PXDNL: variants seen among roughly 807,000 people sequenced by gnomAD.
The protein encoded by PXDNL is probable oxidoreductase PXDNL.
PXDNL carries 145 observed loss-of-function variants against 150.8 expected under a neutral mutation model. The observed-to-expected ratio is 0.96, with a 90% CI of 0.84 to 1.10. The LOEUF is 1.10. PXDNL is among the 50% of genes least tolerant of loss of function. The pLI is 0.00. For synonymous variants in PXDNL, 757 were observed against 725.7 expected (o/e 1.04, Z -0.69); for missense variants, 2,087 against 1,873.9 (o/e 1.11, Z -2.10).
intron 7 of PXDNL, among the ~76,000 whole-genome samples, chr8:51,473,621 A>G (rs1468276555): frequency 6.6e-6 from 1 of 152,090 alleles, no homozygotes; most frequent in Non-Finnish European, 1.5e-5. Context: ...GAGGGATAGC[A>G]TTAGGAGATA....
At chr8:51,393,395 G>C (rs554972557) in intron 17 of PXDNL, among the ~76,000 whole-genome samples, 10 of 152,298 alleles carry the variant, frequency 6.6e-5, no homozygotes, top group South Asian at 4.1e-4. Context: ...AGTACAAAAG[G>C]CTCCACAGTG....
chr8:51,723,112 C>A (rs987092963), intron 1 of PXDNL, among the ~76,000 whole-genome samples: 6 of 151,728 alleles, frequency 4.0e-5, no homozygotes, highest in African/African-American at 1.5e-4. Context: ...GAAAAAGACA[C>A]AAGATAGAGC....
In PXDNL at chr8:51,534,095, G is replaced by T. The variant is rs562298503; in HGVS notation, c.380+22745C>A. On this transcript the variant is annotated intron_variant, in intron 4 of 22. Coordinates refer to ENST00000356297, the MANE Select transcript of PXDNL (RefSeq NM_144651.5). ...AGGAAGTGAGGCGTGTCTCTGCCCG[G>T]CCGCCCATGTCTGAGATGTGGGGAG... is the stretch of plus-strand genomic sequence containing the variant. 1.4e-5 allele frequency among the ~76,000 whole-genome samples: 2 copies of T among 144,310 alleles called. 1 individual carries two copies. The highest frequency in any genetic ancestry group is 5.6e-5 in the African/African-American group (2 of 35,430). 94.7% of individuals were successfully genotyped at this position (144,310 alleles called of 152,430 possible).
chr8:51,631,960 C>G (rs1042869562), intron 2 of PXDNL, among the ~76,000 whole-genome samples: 2 of 152,014 alleles, frequency 1.3e-5, no homozygotes, highest in African/African-American at 4.8e-5. Context: ...ATAAAACATA[C>G]AGAAAACAGG....
chr8:51,561,566 A>G (rs1812721949), intron 3 of PXDNL, among the ~76,000 whole-genome samples: 1 of 151,930 alleles, frequency 6.6e-6, no homozygotes, highest in Non-Finnish European at 1.5e-5. Context: ...ATTCTGACAC[A>G]TGCTACAAAA....
At chr8:51,498,686 G>T (rs1023226057) in intron 5 of PXDNL, among the ~76,000 whole-genome samples, 2 of 152,102 alleles carry the variant, frequency 1.3e-5, no homozygotes, top group African/African-American at 4.8e-5. Flanking sequence ...GAAAAACCAA[G>T]AATACAAAAC....
chr8:51,409,396 C>A lies in PXDNL; in HGVS notation c.2228G>T (p.Gly743Val), dbSNP rs761678027. ...TCNNLQQPTW[G>V]AALTAFARLL... The stretch of plus-strand genomic sequence containing the variant: ...GCGCGCGAAGGCGGTCAGCGCCGCG[C>A]CCCACGTGGGCTGCTGCAGGTTGTT... The change falls in exon 17 of 23, where the codon GGC (glycine) becomes GTC (valine). Residue 743 changes from glycine to valine, a missense_variant. By Grantham distance (109) the Gly-to-Val change is moderately radical (BLOSUM62 -3). Coordinates refer to ENST00000356297, the MANE Select transcript of PXDNL (RefSeq NM_144651.5). 5 of 1,608,008 alleles carry A rather than the reference C, an allele frequency of 3.1e-6. No individual in the cohort carries two copies. The highest frequency in any genetic ancestry group is 1.3e-5 in the African/African-American group (1 of 74,728).
intron 19 of PXDNL, among the ~76,000 whole-genome samples, chr8:51,360,415 G>A (rs754340073): frequency 6.6e-5 from 10 of 151,992 alleles, no homozygotes; most frequent in Non-Finnish European, 1.2e-4. Context: ...ACTTAAACAT[G>A]CATGTATCAT....
chr8:51,557,605 C>T lies in PXDNL; in HGVS notation c.309-694G>A, dbSNP rs1033717707. On this transcript the variant is annotated intron_variant, in intron 3 of 22. Transcript: ENST00000356297. ...TGTGCCTCTCAGGGTTTGAGACAAT[C>T]AGAATTCCTGAAACCTTCTATCAAG... 2.0e-5 allele frequency among the ~76,000 whole-genome samples: 3 copies of T among 152,226 alleles called. No individual in the cohort carries two copies. In the South Asian group the frequency reaches 6.2e-4, roughly 32 times the overall value.
rs577870665 is a variant in PXDNL, at chr8:51,553,728, T to C, written c.380+3112A>G. ...CCTTATCATTTAGTTTATTGCCTTA[T>C]TGTGAGGGATTTTATATATATATAT... On this transcript the variant is annotated intron_variant, in intron 4 of 22. Coordinates refer to ENST00000356297, the MANE Select transcript of PXDNL (RefSeq NM_144651.5). Among the ~76,000 whole-genome samples the C allele has an allele frequency of 5.7e-4, 81 of 141,684 alleles. 2 individuals are homozygous for C. The South Asian group carries it at 0.017, about 30-fold the overall frequency. 93.0% of individuals were successfully genotyped at this position (141,684 alleles called of 152,430 possible). A position where few individuals can be genotyped will look rare whatever the true frequency, so the allele number is the denominator to read the frequency against.
At chr8:51,796,057 T>C (rs899069883) in intron 1 of PXDNL, among the ~76,000 whole-genome samples, 4 of 152,180 alleles carry the variant, frequency 2.6e-5, no homozygotes, top group Admixed American at 6.5e-5. Flanking sequence ...CCTTCAGCTA[T>C]AATCCTTACT....
chr8:51,787,946 T>C (rs2037475515), intron 1 of PXDNL, among the ~76,000 whole-genome samples: 1 of 152,180 alleles, frequency 6.6e-6, no homozygotes, highest in African/African-American at 2.4e-5. Context: ...TCAGCAGCCA[T>C]CAACAGTGAG....
intron 1 of PXDNL, among the ~76,000 whole-genome samples, chr8:51,711,422 G>A (rs1365437126): frequency 6.6e-6 from 1 of 152,194 alleles, no homozygotes; most frequent in African/African-American, 2.4e-5. Flanking sequence ...ACAGGCATGA[G>A]CCACCGGACC....
At chr8:51,533,545 C>T (rs1468761574) in intron 4 of PXDNL, among the ~76,000 whole-genome samples, 2 of 142,586 alleles carry the variant, frequency 1.4e-5, no homozygotes, top group Non-Finnish European at 3.0e-5. Context: ...TGATGCCGAG[C>T]CAAAGCTGGA....
intron 1 of PXDNL, among the ~76,000 whole-genome samples, chr8:51,766,735 C>CTT (rs71550285): frequency 3.4e-5 from 5 of 148,804 alleles, no homozygotes; most frequent in Non-Finnish European, 6.0e-5. Context: ...TGTGATGCAT[C>CTT]TTTTTTTTAA....
intron 17 of PXDNL, among the ~76,000 whole-genome samples, chr8:51,379,216 T>C (rs1807458457): frequency 6.6e-6 from 1 of 152,192 alleles, no homozygotes; most frequent in Non-Finnish European, 1.5e-5. Context: ...ACTCATGCCA[T>C]TTTCTGTCTC....
At chr8:51,446,049 A>T (rs1809665530) in intron 12 of PXDNL, among the ~76,000 whole-genome samples, 2 of 152,184 alleles carry the variant, frequency 1.3e-5, no homozygotes, top group African/African-American at 4.8e-5. Flanking sequence ...TTTTAAAAAA[A>T]ACATTTAATA....
intron 1 of PXDNL, among the ~76,000 whole-genome samples, chr8:51,699,633 G>A (rs1816209556): frequency 6.6e-6 from 1 of 152,190 alleles, no homozygotes. Flanking sequence ...CTAGCTTTCA[G>A]CCTATCTCAG....
chr8:51,458,271 T>C (rs1809981720), intron 8 of PXDNL, among the ~76,000 whole-genome samples: 1 of 152,176 alleles, frequency 6.6e-6, no homozygotes, highest in African/African-American at 2.4e-5. Context: ...GCATAATCCA[T>C]TGAGTGCAAG....
Sources: gnomAD v4.1 joint callset for allele counts (sites outside exome capture counted in the v4.1 genomes callset) on GRCh38, gnomAD v4.1.1 for gene constraint, MANE v1.5 for transcripts, NCBI Gene and HGNC (gene_info 2026-07-23, HGNC 2026-07-21) for gene names.